The following NRXN3 variants were observed in gnomAD, a reference collection of about 807,000 sequenced individuals.
NRXN3 encodes neurexin III.
NRXN3 carries 32 observed loss-of-function variants against 137.6 expected under a neutral mutation model. The observed-to-expected ratio is 0.23, with a 90% confidence interval of 0.18 to 0.31. The LOEUF (loss-of-function observed/expected upper bound fraction) is 0.31, where lower values mean the gene tolerates loss of function less well. Ranked by LOEUF, NRXN3 falls within the 10% of genes least tolerant of loss-of-function variation. The pLI, the probability that NRXN3 is intolerant of heterozygous loss-of-function variation, is 1.00. For missense variants in NRXN3, 1,574 were observed against 2,062.5 expected, an observed-to-expected ratio of 0.76 and a Z score of 4.59; for synonymous variants, 798 against 784.5, an observed-to-expected ratio of 1.02 and a Z score of -0.29.
intron 2 of NRXN3, among the ~76,000 whole-genome samples, chr14:78,261,113 G>A (rs1180564518): frequency 6.6e-6 from 1 of 152,154 alleles, no homozygotes; most frequent in East Asian, 1.9e-4. Flanking sequence ...TGGAATTTGA[G>A]CTCTTTACTC....
chr14:78,753,036 G>T (rs2098650526), intron 8 of NRXN3, among the ~76,000 whole-genome samples: 1 of 152,154 alleles, frequency 6.6e-6, no homozygotes, highest in African/African-American at 2.4e-5. Flanking sequence ...CACCGACTCT[G>T]CCCTTAGATA....
chr14:79,826,732 C>T (rs1474699035), intron 20 of NRXN3, among the ~76,000 whole-genome samples: 1 of 152,102 alleles, frequency 6.6e-6, no homozygotes, highest in Non-Finnish European at 1.5e-5. Context: ...TGATCCAATC[C>T]AAGATCACAC....
chr14:79,279,389 C>T, intron 15 of NRXN3: 1 of 986,434 alleles, frequency 1.0e-6, no homozygotes, highest in African/African-American at 1.7e-5. Context: ...CGCTTCACTT[C>T]ACCTGTGCCT....
Position 79,861,452 on chromosome 14 carries a change from A to G in NRXN3, c.4204A>G (p.Thr1402Ala). Residue 1402 changes from threonine (T) to alanine (A), a missense_variant, in exon 21 of 21, where the codon ACC becomes GCC. Coordinates refer to ENST00000335750, the MANE Select transcript of NRXN3 (RefSeq NM_001330195.2). The surrounding 1 kb of genome is among the most constrained non-coding windows in gnomAD (Gnocchi z 5.4). ...AGTCTCCGAAACTAGTAGGACTACTACCACATCTTTATCCCCTGAGCTGAT... is the reference window on the plus strand; with the variant it reads ...AGTCTCCGAAACTAGTAGGACTACTGCCACATCTTTATCCCCTGAGCTGAT... ...NKVSETSRTT[T>A]TSLSPELIRF... 5.9e-6 allele frequency: 9 copies of G among 1,536,770 alleles called. No homozygotes were observed. Among genetic ancestry groups the G allele is most frequent in the Non-Finnish European group, 7.8e-6 (9 of 1,147,038 alleles).
At chr14:79,039,013 A>T (rs1227504643) in intron 15 of NRXN3, among the ~76,000 whole-genome samples, 3 of 152,150 alleles carry the variant, frequency 2.0e-5, no homozygotes, top group Admixed American at 1.3e-4. Flanking sequence ...CAACTTTTAG[A>T]ACCCAAACAA....
At chr14:78,574,981 C>T (rs1016021808) in intron 4 of NRXN3, among the ~76,000 whole-genome samples, 2 of 152,166 alleles carry the variant, frequency 1.3e-5, no homozygotes, top group Non-Finnish European at 2.9e-5. Context: ...AGGGTGGGAC[C>T]AGGTGGAGAC....
chr14:78,433,671 A>C (rs888617335), intron 4 of NRXN3, among the ~76,000 whole-genome samples: 3 of 152,146 alleles, frequency 2.0e-5, no homozygotes, highest in Non-Finnish European at 4.4e-5. Flanking sequence ...GCTCTCTTCT[A>C]TCTTCCACTA....
intron 2 of NRXN3, among the ~76,000 whole-genome samples, chr14:78,256,309 T>C (rs994844317): frequency 6.6e-6 from 1 of 152,132 alleles, no homozygotes; most frequent in Non-Finnish European, 1.5e-5. Context: ...CAAAGGAGGA[T>C]GATGATACAC....
chr14:79,825,037 C>A (rs1331396985), intron 20 of NRXN3, among the ~76,000 whole-genome samples: 1 of 152,142 alleles, frequency 6.6e-6, no homozygotes, highest in African/African-American at 2.4e-5. Flanking sequence ...GTATTTGTAG[C>A]ATTTAAAAAT....
At chr14:79,199,509 T>G (rs2065639490) in intron 15 of NRXN3, among the ~76,000 whole-genome samples, 1 of 152,196 alleles carries the variant, frequency 6.6e-6, no homozygotes. Flanking sequence ...ATATAAAGAT[T>G]ACCAGAGTTC....
At chr14:78,732,450 C>T (rs12432731) in intron 8 of NRXN3, among the ~76,000 whole-genome samples, 12,080 of 152,192 alleles carry the variant, frequency 0.079, 541 homozygotes, top group Admixed American at 0.11. Flanking sequence ...AGTTTTTTAT[C>T]CTTTCTGTTA....
intron 1 of NRXN3, among the ~76,000 whole-genome samples, chr14:78,178,836 C>T (rs769416083): frequency 6.6e-6 from 1 of 152,120 alleles, no homozygotes; most frequent in Non-Finnish European, 1.5e-5. Flanking sequence ...CACCCTCCAT[C>T]CTGAATCATG....
intron 15 of NRXN3, among the ~76,000 whole-genome samples, chr14:79,439,395 A>G (rs2095895307): frequency 6.6e-6 from 1 of 152,226 alleles, no homozygotes; most frequent in Admixed American, 6.5e-5. Flanking sequence ...AGTGGAAAAC[A>G]GTGTCATTTA....
At chr14:78,956,337 C>G (rs529634830) in intron 10 of NRXN3, among the ~76,000 whole-genome samples, 105 of 152,060 alleles carry the variant, frequency 6.9e-4, no homozygotes, top group Admixed American at 1.6e-3. Context: ...TATTTTCTTC[C>G]TTTATTAACT....
At chr14:79,560,309 T>C (rs1019682235) in intron 16 of NRXN3, among the ~76,000 whole-genome samples, 2 of 152,066 alleles carry the variant, frequency 1.3e-5, no homozygotes, top group East Asian at 3.9e-4. Context: ...AGAGTTTATA[T>C]TGGTAAATTT....
intron 2 of NRXN3, among the ~76,000 whole-genome samples, chr14:78,244,096 C>T (rs908057831): frequency 3.9e-5 from 6 of 152,060 alleles, no homozygotes; most frequent in African/African-American, 1.4e-4. Context: ...ACTGCAGCAC[C>T]GTTTATCACA....
Position 78,243,058 on chromosome 14 carries a change from C to T in NRXN3, c.-36C>T. The T allele has an allele frequency of 7.0e-7, 1 of 1,438,748 alleles. No individual in the cohort carries two copies. The highest frequency in any genetic ancestry group is 9.2e-7 in the Non-Finnish European group (1 of 1,084,856). The allele number at this position is 1,438,748 out of a possible 1,614,324, so 89.1% of individuals were successfully genotyped here. ...GATCCTCTCCGGGCTGTTCCCTGGC[C>T]TGTCTGCTCCTCCGGGCTCTGTCCC... On this transcript the variant is annotated 5_prime_UTR_variant, in exon 2 of 21. Coordinates refer to ENST00000335750, the MANE Select transcript of NRXN3 (RefSeq NM_001330195.2). This position sits in a 1 kb window ranked among gnomAD's most constrained non-coding sequence, Gnocchi z 4.2.
chr14:78,466,246 C>A (rs2095103680), intron 4 of NRXN3, among the ~76,000 whole-genome samples: 2 of 152,268 alleles, frequency 1.3e-5, no homozygotes, highest in Non-Finnish European at 2.9e-5. Flanking sequence ...ACAATAGAAT[C>A]ATTGCCTTCA....
intron 15 of NRXN3, among the ~76,000 whole-genome samples, chr14:79,232,782 C>T (rs1381623041): frequency 6.6e-6 from 1 of 151,866 alleles, no homozygotes; most frequent in East Asian, 1.9e-4. Context: ...CCATTAGCAT[C>T]CTGCAAATAC....
Sources: gnomAD v4.1 joint callset for allele counts (sites outside exome capture counted in the v4.1 genomes callset) on GRCh38, gnomAD v4.1.1 for gene constraint, Gnocchi (gnomAD v3.1) non-coding constraint, MANE v1.5 for transcripts, NCBI Gene and HGNC (gene_info 2026-07-23, HGNC 2026-07-21) for gene names.